Variants in RIMS2 observed in about 807,000 individuals in gnomAD.
RIMS2 encodes the protein regulating synaptic membrane exocytosis protein 2.
In RIMS2, 59 loss-of-function variants were observed where a neutral mutation model predicts 174.4. The ratio of observed to expected loss-of-function variants is 0.34; its 90% CI spans 0.27 to 0.42. RIMS2 has a LOEUF of 0.42. Among genes scored for constraint, RIMS2 ranks in the 10% least tolerant of loss-of-function variants. The pLI, the probability that RIMS2 is intolerant of heterozygous loss-of-function variation, is 1.00. For synonymous variants in RIMS2, 606 were observed against 572.5 expected (o/e 1.06, Z -0.84); for missense variants, 1,620 against 1,666.3 (o/e 0.97, Z 0.48).
chr8:103,520,768 C>T (rs1831275315), intron 1 of RIMS2, among the ~76,000 whole-genome samples: 1 of 151,924 alleles, frequency 6.6e-6, no homozygotes, highest in South Asian at 2.1e-4. Context: ...TAATAGTATT[C>T]TTAAGTTTAT....
At chr8:103,856,110 T>A (rs1397684133) in intron 3 of RIMS2, among the ~76,000 whole-genome samples, 1 of 152,220 alleles carries the variant, frequency 6.6e-6, no homozygotes, top group East Asian at 1.9e-4. Flanking sequence ...GTACCCTTTA[T>A]CATTTTATAA....
intron 1 of RIMS2, among the ~76,000 whole-genome samples, chr8:103,594,602 C>T (rs1379121567): frequency 1.3e-5 from 2 of 151,600 alleles, no homozygotes; most frequent in African/African-American, 4.8e-5. Context: ...TTATACAACA[C>T]GTAAATGGTC....
Position 103,942,876 on chromosome 8 carries a change from A to G in RIMS2, c.2651A>G (p.Tyr884Cys), listed in dbSNP as rs754126533. 1.3e-5 allele frequency: 21 copies of G among 1,613,552 alleles called. No homozygotes were observed. The highest frequency in any genetic ancestry group is 9.9e-5 in the South Asian group (9 of 91,054). ...TTGCCACTTCCCCACCCTTCTCCAT[A>G]TATGCCACGAAGACAGCTCCATGGA... The change falls in exon 14 of 24, where the codon TAT becomes TGT. Residue 884 changes from tyrosine (Y) to cysteine (C), a missense_variant. Around this residue, in one of 2 missense-constraint regions of RIMS2, gnomAD observed 1,395 missense variants for 1,360.1 expected, o/e 1.03. Transcript: ENST00000504942.
At chr8:104,133,478 G>T (rs766444045) in intron 19 of RIMS2, among the ~76,000 whole-genome samples, 27 of 152,210 alleles carry the variant, frequency 1.8e-4, no homozygotes, top group Non-Finnish European at 5.9e-5. Flanking sequence ...GTATTTGGAA[G>T]ATAAGGGAAT....
chr8:103,599,123 A>T (rs1427926900), intron 1 of RIMS2, among the ~76,000 whole-genome samples: 2 of 151,996 alleles, frequency 1.3e-5, no homozygotes, highest in African/African-American at 4.8e-5. Context: ...TTTTCTTCTT[A>T]AGAACAACAA....
chr8:104,081,240 A>G (rs1162500007), intron 19 of RIMS2, among the ~76,000 whole-genome samples: 1 of 152,046 alleles, frequency 6.6e-6, no homozygotes, highest in Non-Finnish European at 1.5e-5. Flanking sequence ...TTACTTCTTA[A>G]GCCCTTTTCG....
intron 1 of RIMS2, among the ~76,000 whole-genome samples, chr8:103,585,386 A>G (rs748507389): frequency 6.6e-6 from 1 of 150,506 alleles, no homozygotes; most frequent in Non-Finnish European, 1.5e-5. Context: ...TACTGGGTAT[A>G]TACCCAAAGG....
In RIMS2 at chr8:103,717,899, G is replaced by A. The variant is rs191158036; in HGVS notation, c.387+20603G>A. Among the ~76,000 whole-genome samples the A allele has an allele frequency of 9.2e-5, 14 of 152,164 alleles. No homozygotes were observed. The East Asian group carries it at 2.3e-3, about 25-fold the overall frequency. ...CTAGCTATTGAACACTTGAAAAGTG[G>A]CTGGTTGACTGAGAAACTGAATTTT... is the stretch of plus-strand genomic sequence containing the variant. On this transcript the variant is annotated intron_variant, in intron 2 of 23. Coordinates refer to ENST00000504942, the Ensembl canonical transcript of RIMS2.
intron 19 of RIMS2, among the ~76,000 whole-genome samples, chr8:104,040,224 C>A (rs963453144): frequency 1.3e-5 from 2 of 151,572 alleles, no homozygotes; most frequent in African/African-American, 4.8e-5. Flanking sequence ...TATAAGTCAA[C>A]TCAAAAATAA....
At chr8:103,639,162 A>T (rs2096165730) in intron 1 of RIMS2, among the ~76,000 whole-genome samples, 4 of 151,940 alleles carry the variant, frequency 2.6e-5, no homozygotes, top group African/African-American at 9.7e-5. Flanking sequence ...TGTCTTTGGT[A>T]TTACAGTTAT....
chr8:103,691,506 A>G (rs999809163), intron 1 of RIMS2, among the ~76,000 whole-genome samples: 1 of 151,660 alleles, frequency 6.6e-6, no homozygotes, highest in East Asian at 1.9e-4. Flanking sequence ...ACATTTTTCA[A>G]CTCTAGAATT....
At chr8:103,717,677 A>AAAAG (rs2097389588) in intron 2 of RIMS2, among the ~76,000 whole-genome samples, 2 of 152,230 alleles carry the variant, frequency 1.3e-5, no homozygotes, top group African/African-American at 4.8e-5. Flanking sequence ...AAGATTTCAT[A>AAAAG]ATATAACAGT....
At chr8:103,970,204 G>T (rs1299312454) in intron 15 of RIMS2, among the ~76,000 whole-genome samples, 1 of 152,176 alleles carries the variant, frequency 6.6e-6, no homozygotes, top group Non-Finnish European at 1.5e-5. Context: ...GTCTTAGTGA[G>T]CCTCTGGATT....
At chr8:103,632,492 C>T (rs12681543) in intron 1 of RIMS2, among the ~76,000 whole-genome samples, 29,378 of 151,644 alleles carry the variant, frequency 0.19, 3,028 homozygotes, top group Middle Eastern at 0.3. Flanking sequence ...GTGATCTCGG[C>T]TCACTGCAGC....
intron 1 of RIMS2, among the ~76,000 whole-genome samples, chr8:103,611,189 A>G (rs568199329): frequency 1.3e-5 from 2 of 151,838 alleles, no homozygotes; most frequent in East Asian, 1.9e-4. Context: ...GTGGTCATTT[A>G]CCCTTTGTCA....
chr8:103,955,831 T>C (rs1565514075), intron 14 of RIMS2, among the ~76,000 whole-genome samples: 1 of 152,180 alleles, frequency 6.6e-6, no homozygotes, highest in Non-Finnish European at 1.5e-5. Flanking sequence ...GCAGATGACA[T>C]GATTGTGTAT....
chr8:103,588,079 T>C (rs1269773272), intron 1 of RIMS2, among the ~76,000 whole-genome samples: 1 of 151,876 alleles, frequency 6.6e-6, no homozygotes, highest in East Asian at 1.9e-4. Context: ...AAAAGCAACA[T>C]ACAAAATCAG....
chr8:104,135,033 G>GT (rs1340349770), intron 19 of RIMS2, among the ~76,000 whole-genome samples: 2 of 152,168 alleles, frequency 1.3e-5, no homozygotes, highest in East Asian at 1.9e-4. Flanking sequence ...AATTCATGAA[G>GT]TTTTTTTCAT....
At chr8:103,603,112 G>A (rs1392323838) in intron 1 of RIMS2, among the ~76,000 whole-genome samples, 3 of 149,988 alleles carry the variant, frequency 2.0e-5, no homozygotes, top group Non-Finnish European at 4.4e-5. Flanking sequence ...TCGTCATCTA[G>A]CATTAGGTAT....
Sources: gnomAD v4.1 joint callset for allele counts (sites outside exome capture counted in the v4.1 genomes callset) on GRCh38, gnomAD v4.1.1 for gene constraint, gnomAD v4.1.1 regional missense constraint, MANE v1.5 for transcripts, NCBI Gene and HGNC (gene_info 2026-07-23, HGNC 2026-07-21) for gene names.